The following STAU2 variants were observed in gnomAD, a reference collection of about 807,000 sequenced individuals.
STAU2 encodes the protein double-stranded RNA-binding protein Staufen homolog 2.
Under a neutral mutation model 65.9 loss-of-function variants are expected in STAU2, and 20 were observed. The observed-to-expected ratio is 0.30, with a 90% confidence interval of 0.21 to 0.44. The LOEUF is 0.44. STAU2 is among the 20% of genes least tolerant of loss of function. The probability of loss-of-function intolerance (pLI) is 1.00; values close to 1 mark genes in which losing one functional copy is unlikely to be tolerated. For missense variants in STAU2, 558 were observed against 683.9 expected (o/e 0.82, Z 2.05); for synonymous variants, 232 against 233.9 (o/e 0.99, Z 0.07).
intron 5 of STAU2, among the ~76,000 whole-genome samples, chr8:73,686,706 A>G (rs1405887570): frequency 6.6e-6 from 1 of 151,888 alleles, no homozygotes; most frequent in Non-Finnish European, 1.5e-5. Context: ...ATGTAACCGA[A>G]TACCACCTGT....
At chr8:73,671,946 A>G (rs1817712476) in intron 6 of STAU2, among the ~76,000 whole-genome samples, 1 of 152,018 alleles carries the variant, frequency 6.6e-6, no homozygotes, top group African/African-American at 2.4e-5. Flanking sequence ...AATCACTTGA[A>G]CCCGGGAGGC....
intron 1 of STAU2, among the ~76,000 whole-genome samples, chr8:73,746,525 C>T (rs1275622630): frequency 1.3e-5 from 2 of 151,882 alleles, no homozygotes; most frequent in Non-Finnish European, 2.9e-5. Context: ...TCGTCCCACC[C>T]CCTCCACCAC....
At position 73,420,882 on chromosome 8, in the gene STAU2, AC is replaced by A. The variant is rs1816334447; in HGVS notation, c.*489del. On this transcript the variant is annotated 3_prime_UTR_variant, in exon 15 of 15. Coordinates refer to ENST00000524300, the MANE Select transcript of STAU2 (RefSeq NM_001164380.2). The stretch of plus-strand genomic sequence containing the variant: ...TATAAATATCTGCATAAAAAGAGAA[AC>A]CATGTGACTCTATATGAAGACAACC... 6.4e-6 allele frequency: 1 copy of A among 155,904 alleles called. No individual in the cohort carries two copies. Among genetic ancestry groups the A allele is most frequent in the Non-Finnish European group, 1.4e-5 (1 of 70,382 alleles). 9.7% of individuals were successfully genotyped at this position (155,904 alleles called of 1,614,324 possible).
intron 13 of STAU2, among the ~76,000 whole-genome samples, chr8:73,513,593 A>C (rs1822533233): frequency 6.6e-6 from 1 of 151,768 alleles, no homozygotes; most frequent in South Asian, 2.1e-4. Flanking sequence ...CTTGTGTTTG[A>C]AGTGTTTTGG....
intron 13 of STAU2, among the ~76,000 whole-genome samples, chr8:73,486,479 T>A (rs1192911460): frequency 6.6e-6 from 1 of 151,804 alleles, no homozygotes. Context: ...AAGAAGATGA[T>A]GTCACAAACA....
At chr8:73,615,590 T>C in intron 8 of STAU2, 85 bp downstream of exon 8, 2 of 962,888 alleles carry the variant, frequency 2.1e-6, no homozygotes, top group East Asian at 2.4e-5. Flanking sequence ...TCTTGCAGGA[T>C]ACTAATACAC....
chr8:73,682,548 G>A (rs893400960), intron 5 of STAU2, among the ~76,000 whole-genome samples: 4 of 151,862 alleles, frequency 2.6e-5, no homozygotes. Context: ...AGACAATCTA[G>A]GGTCACACCT....
At chr8:73,467,585 C>T (rs901876496) in intron 13 of STAU2, among the ~76,000 whole-genome samples, 3 of 152,118 alleles carry the variant, frequency 2.0e-5, no homozygotes, top group African/African-American at 4.8e-5. Context: ...CACTGTCCCT[C>T]TAAGGTGGGG....
At chr8:73,716,089 T>C (rs1334769018) in intron 3 of STAU2, among the ~76,000 whole-genome samples, 7 of 141,866 alleles carry the variant, frequency 4.9e-5, no homozygotes, top group Non-Finnish European at 9.1e-5. Flanking sequence ...TAATTTTTTT[T>C]TCTTTTTTTT....
intron 9 of STAU2, among the ~76,000 whole-genome samples, chr8:73,605,878 TACACACACAC>T (rs58486426): frequency 0.064 from 7,480 of 117,754 alleles, 194 homozygotes; most frequent in Middle Eastern, 0.13. Context: ...CACACACACA[TACACACACAC>T]ACACACACAC....
At chr8:73,551,134 A>G in intron 13 of STAU2, 1 of 987,436 alleles carries the variant, frequency 1.0e-6, no homozygotes, top group Non-Finnish European at 1.2e-6. Context: ...TCAGTACATG[A>G]TTTTCAAGGC....
chr8:73,515,590 A>T (rs1238142391), intron 13 of STAU2, among the ~76,000 whole-genome samples: 2 of 152,102 alleles, frequency 1.3e-5, no homozygotes, highest in African/African-American at 4.8e-5. Flanking sequence ...ACAAACCAAC[A>T]GTGGAGACCC....
At chr8:73,604,155 A>T (rs1325192636) in intron 9 of STAU2, among the ~76,000 whole-genome samples, 1 of 151,866 alleles carries the variant, frequency 6.6e-6, no homozygotes, top group Admixed American at 6.5e-5. Context: ...GTTCATCAAG[A>T]AACATCAAAA....
At chr8:73,491,541 G>A (rs1821155799) in intron 13 of STAU2, among the ~76,000 whole-genome samples, 1 of 151,932 alleles carries the variant, frequency 6.6e-6, no homozygotes, top group South Asian at 2.1e-4. Flanking sequence ...ATGCAGGGAT[G>A]GGGAAATAGT....
intron 12 of STAU2, among the ~76,000 whole-genome samples, chr8:73,577,253 C>A (rs554266437): frequency 1.3e-5 from 2 of 151,794 alleles, no homozygotes; most frequent in Non-Finnish European, 2.9e-5. Context: ...ACAATGAAAC[C>A]CCGTCTCTAC....
chr8:73,627,943 G>GACTTACTGCTTCTGCC (rs1352396231), intron 6 of STAU2, among the ~76,000 whole-genome samples: 2 of 151,810 alleles, frequency 1.3e-5, no homozygotes, highest in Non-Finnish European at 2.9e-5. Flanking sequence ...TTATTCAAGT[G>GACTTACTGCTTCTGCC]ACAAACCAGT....
At chr8:73,734,612 G>A (rs1467068919) in intron 3 of STAU2, among the ~76,000 whole-genome samples, 1 of 152,076 alleles carries the variant, frequency 6.6e-6, no homozygotes, top group Non-Finnish European at 1.5e-5. Context: ...TGACCAACAT[G>A]GTGAAACTCC....
chr8:73,475,740 G>A (rs1820288337), intron 13 of STAU2, among the ~76,000 whole-genome samples: 2 of 152,138 alleles, frequency 1.3e-5, no homozygotes. Flanking sequence ...CATTTTGTGG[G>A]TCAGGAATCT....
intron 13 of STAU2, among the ~76,000 whole-genome samples, chr8:73,513,365 C>A: frequency 6.6e-6 from 1 of 152,108 alleles, no homozygotes; most frequent in Non-Finnish European, 1.5e-5. Context: ...AGTAATTAGT[C>A]GGTGGTTATG....
Sources: gnomAD v4.1 joint callset for allele counts (sites outside exome capture counted in the v4.1 genomes callset) on GRCh38, gnomAD v4.1.1 for gene constraint, MANE v1.5 for transcripts, NCBI Gene and HGNC (gene_info 2026-07-23, HGNC 2026-07-21) for gene names.